CYB5R4: variants seen among roughly 807,000 people sequenced by gnomAD.
CYB5R4 encodes the protein N-terminal cytochrome b5 and cytochrome b5 oxidoreductase domain-containing protein.
A neutral mutation model predicts 70.2 loss-of-function variants in CYB5R4; 55 were observed. The observed-to-expected ratio is 0.78, with a 90% CI of 0.63 to 0.98. The LOEUF is 0.98. Among genes scored for constraint, CYB5R4 ranks in the 50% least tolerant of loss-of-function variants. The pLI is 0.00. For missense variants in CYB5R4, 562 were observed against 612.6 expected, an observed-to-expected ratio of 0.92 and a Z score of 0.87; for synonymous variants, 197 against 199.5, an observed-to-expected ratio of 0.99 and a Z score of 0.11.
At chr6:83,867,708 G>C (rs942830403) in intron 2 of CYB5R4, among the ~76,000 whole-genome samples, 5 of 152,328 alleles carry the variant, frequency 3.3e-5, no homozygotes, top group Middle Eastern at 3.4e-3. Flanking sequence ...CTGTGCTTTA[G>C]TCAGGAGTAG....
chr6:83,872,987 G>A (rs2099457882), intron 2 of CYB5R4, among the ~76,000 whole-genome samples: 1 of 152,126 alleles, frequency 6.6e-6, no homozygotes, highest in African/African-American at 2.4e-5. Context: ...CATAGCTGAT[G>A]AGAATGGAGC....
intron 3 of CYB5R4, among the ~76,000 whole-genome samples, chr6:83,903,534 C>T (rs1247153830): frequency 2.6e-5 from 4 of 151,918 alleles, no homozygotes; most frequent in Admixed American, 2.6e-4. Context: ...CAGGGTAATG[C>T]TGGCCTTGTA....
chr6:83,876,916 C>CT (rs914478141), intron 2 of CYB5R4, among the ~76,000 whole-genome samples: 2 of 152,116 alleles, frequency 1.3e-5, no homozygotes, highest in African/African-American at 2.4e-5. Context: ...TCACTACAAC[C>CT]TTCGCCTCCC....
At chr6:83,860,365 C>T (rs979865940) in intron 1 of CYB5R4, among the ~76,000 whole-genome samples, 1 of 152,166 alleles carries the variant, frequency 6.6e-6, no homozygotes, top group Non-Finnish European at 1.5e-5. Context: ...TTTACAGACA[C>T]TATCCAAGAC....
At chr6:83,941,269 A>C (rs2099469722) in intron 14 of CYB5R4, among the ~76,000 whole-genome samples, 1 of 152,216 alleles carries the variant, frequency 6.6e-6, no homozygotes, top group Admixed American at 6.5e-5. Flanking sequence ...AAACTAAAAT[A>C]AGAAGATAAT....
At chr6:83,947,662 T>C (rs2099470832) in intron 14 of CYB5R4, among the ~76,000 whole-genome samples, 1 of 152,164 alleles carries the variant, frequency 6.6e-6, no homozygotes, top group African/African-American at 2.4e-5. Flanking sequence ...AAAGGGCTAA[T>C]ATCCAGAATC....
chr6:83,880,355 T>C, intron 2 of CYB5R4, among the ~76,000 whole-genome samples: 1 of 152,310 alleles, frequency 6.6e-6, no homozygotes, highest in Non-Finnish European at 1.5e-5. Context: ...GGCTTTAATT[T>C]TTTTTGCCAT....
At chr6:83,915,071 A>T (rs1270337481) in intron 5 of CYB5R4, among the ~76,000 whole-genome samples, 1 of 152,100 alleles carries the variant, frequency 6.6e-6, no homozygotes, top group Non-Finnish European at 1.5e-5. Flanking sequence ...GCTCACCTCC[A>T]TTGTTTGCAT....
intron 3 of CYB5R4, among the ~76,000 whole-genome samples, chr6:83,894,934 C>A (rs371732931): frequency 6.6e-6 from 1 of 152,054 alleles, no homozygotes; most frequent in Non-Finnish European, 1.5e-5. Context: ...TAAATGGACT[C>A]GGTTGCAGTT....
chr6:83,870,696 T>C (rs1040906755), intron 2 of CYB5R4, among the ~76,000 whole-genome samples: 1 of 152,078 alleles, frequency 6.6e-6, no homozygotes, highest in Non-Finnish European at 1.5e-5. Context: ...ATCATTACTT[T>C]CTTGGCAGAT....
intron 10 of CYB5R4, among the ~76,000 whole-genome samples, chr6:83,933,326 T>C (rs2099468430): frequency 6.6e-6 from 1 of 152,188 alleles, no homozygotes; most frequent in Non-Finnish European, 1.5e-5. Flanking sequence ...GCTACCATGA[T>C]AGGTGGAAAA....
chr6:83,863,884 T>C (rs1229812370), intron 1 of CYB5R4, among the ~76,000 whole-genome samples: 1 of 152,214 alleles, frequency 6.6e-6, no homozygotes, highest in East Asian at 1.9e-4. Flanking sequence ...TGCCATTTTA[T>C]ATGAGACACT....
intron 3 of CYB5R4, among the ~76,000 whole-genome samples, chr6:83,897,124 T>G (rs1364909330): frequency 6.6e-6 from 1 of 151,160 alleles, no homozygotes; most frequent in African/African-American, 2.4e-5. Flanking sequence ...TGTGTTCTCA[T>G]TGTTCAATTC....
intron 15 of CYB5R4, among the ~76,000 whole-genome samples, chr6:83,959,024 C>G (rs1310194663): frequency 6.6e-6 from 1 of 152,042 alleles, no homozygotes; most frequent in Non-Finnish European, 1.5e-5. Context: ...TCTTTGAAAA[C>G]TGGTGAATAA....
chr6:83,902,582 T>G (rs149857414), intron 3 of CYB5R4, among the ~76,000 whole-genome samples: 1 of 152,288 alleles, frequency 6.6e-6, no homozygotes, highest in East Asian at 1.9e-4. Flanking sequence ...TTGATAAGGA[T>G]TGCATTGATT....
intron 2 of CYB5R4, among the ~76,000 whole-genome samples, chr6:83,881,323 T>C (rs756452828): frequency 1.3e-5 from 2 of 151,940 alleles, no homozygotes; most frequent in Non-Finnish European, 2.9e-5. Context: ...TACAGGTGCA[T>C]GTTACCATAC....
At chr6:83,925,162 C>G (rs2099467083) in intron 10 of CYB5R4, among the ~76,000 whole-genome samples, 1 of 152,076 alleles carries the variant, frequency 6.6e-6, no homozygotes, top group Admixed American at 6.5e-5. Context: ...ACTCAGGAAA[C>G]TTACAATCAT....
intron 14 of CYB5R4, among the ~76,000 whole-genome samples, chr6:83,948,232 A>G (rs570326425): frequency 6.6e-6 from 1 of 152,348 alleles, no homozygotes; most frequent in East Asian, 1.9e-4. Context: ...ACACGGATGA[A>G]GCTGGAAACC....
chr6:83,914,753 T>C (rs113058736), intron 5 of CYB5R4, among the ~76,000 whole-genome samples: 1,914 of 152,176 alleles, frequency 0.013, 43 homozygotes, highest in African/African-American at 0.044. Context: ...GTCAGGCTGG[T>C]CTTGAACTCC....
Sources: allele counts gnomAD v4.1 joint callset (sites outside exome capture counted in the v4.1 genomes callset), GRCh38; gene constraint gnomAD v4.1.1; transcripts MANE v1.5; gene names NCBI Gene and HGNC (gene_info 2026-07-23, HGNC 2026-07-21).